The following BRIP1 variants were observed in gnomAD, a reference collection of about 807,000 sequenced individuals.
BRIP1 encodes Fanconi anemia group J protein.
Under a neutral mutation model 119.7 loss-of-function variants are expected in BRIP1, and 88 were observed. The ratio of observed to expected loss-of-function variants is 0.74; its 90% CI spans 0.62 to 0.88. The LOEUF (loss-of-function observed/expected upper bound fraction) is 0.88. BRIP1 is among the 40% of genes least tolerant of loss of function. The pLI is 0.00. For missense variants in BRIP1, 1,259 were observed against 1,455.4 expected, an observed-to-expected ratio of 0.87 and a Z score of 2.20; for synonymous variants, 443 against 496.5, an observed-to-expected ratio of 0.89 and a Z score of 1.43.
At position 61,845,926 on chromosome 17, in the gene BRIP1, T is replaced by C. The variant is rs1038878694; in HGVS notation, c.627+1175A>G. 6.6e-6 allele frequency among the ~76,000 whole-genome samples: 1 copy of C among 152,152 alleles called. No individual in the cohort carries two copies. The highest frequency in any genetic ancestry group is 1.5e-5 in the Non-Finnish European group (1 of 68,030). On this transcript the variant is annotated intron_variant, in intron 6 of 19. Coordinates refer to ENST00000259008, the MANE Select transcript of BRIP1 (RefSeq NM_032043.3). The surrounding 1 kb of genome is among the most constrained non-coding windows in gnomAD (Gnocchi z 4.2). ...ATCTAATGATGCTGGAAAACTATTA[T>C]TAACATAGGTTGGGTTGAGGCCAAG...
rs1357994642 is a variant in BRIP1, at chr17:61,703,761, T to G, written c.2493-10249A>C. Among the ~76,000 whole-genome samples the G allele has an allele frequency of 6.6e-6, 1 of 152,260 alleles. No homozygotes were observed. Among genetic ancestry groups the G allele is most frequent in the African/African-American group, 2.4e-5 (1 of 41,564 alleles). ...CTAGGTTTTCTTCAAGGGTTTTTAG[T>G]TTAAGGTTTTACATTTAAGTCTTTA... On this transcript the variant is annotated intron_variant, in intron 17 of 19. Transcript: ENST00000259008. This position sits in a 1 kb window ranked among gnomAD's most constrained non-coding sequence, Gnocchi z 5.0.
chr17:61,838,477 C>T lies in BRIP1; in HGVS notation c.627+8624G>A, dbSNP rs939544402. ...AGGAGAACGGTGTGAACCCAGGAGG[C>T]GGAACTTGCAGTGAGCCGATCGCGC... On this transcript the variant is annotated intron_variant, in intron 6 of 19. Coordinates refer to ENST00000259008, the MANE Select transcript of BRIP1 (RefSeq NM_032043.3). Among the ~76,000 whole-genome samples, 22 of 151,582 alleles carry T rather than the reference C, an allele frequency of 1.5e-4. No individual in the cohort carries two copies. In the East Asian group the frequency reaches 2.9e-3, roughly 20 times the overall value.
chr17:61,849,072 A>T (rs2145759623), intron 5 of BRIP1, 57 bp downstream of exon 5: 1 of 1,588,244 alleles, frequency 6.3e-7, no homozygotes, highest in South Asian at 1.1e-5. Context: ...ATGATACTTG[A>T]CTACCATGTT....
At chr17:61,773,670 T>G (rs953577138) in intron 14 of BRIP1, among the ~76,000 whole-genome samples, 1 of 151,278 alleles carries the variant, frequency 6.6e-6, no homozygotes, top group African/African-American at 2.4e-5. Flanking sequence ...GGGAGAAAAT[T>G]TTTGCGATCT....
In BRIP1 at chr17:61,696,948, TG is replaced by T. The variant is rs554435580; in HGVS notation, c.2493-3437del. The stretch of plus-strand genomic sequence containing the variant: ...TTGCAGTAAGCTGAGATTGCGCCGC[TG>T]TACTCCAGCCTGGGCAACAGATAGA... On this transcript the variant is annotated intron_variant, in intron 17 of 19. Transcript: ENST00000259008. Among the ~76,000 whole-genome samples the T allele has an allele frequency of 3.6e-3, 482 of 133,562 alleles. 1 individual carries two copies. The highest frequency in any genetic ancestry group is 8.4e-3 in the Middle Eastern group (2 of 238). The allele number at this position is 133,562 out of a possible 152,430, so 87.6% of individuals were successfully genotyped here.
At chr17:61,838,979 T>G (rs2078618926) in intron 6 of BRIP1, among the ~76,000 whole-genome samples, 1 of 151,982 alleles carries the variant, frequency 6.6e-6, no homozygotes. Flanking sequence ...TATCCCAAAA[T>G]CTACAGAAAA....
chr17:61,753,402 T>G lies in BRIP1; in HGVS notation c.2098-8811A>C, dbSNP rs2077158130. 2.0e-5 allele frequency among the ~76,000 whole-genome samples: 3 copies of G among 152,312 alleles called. No homozygotes were observed. In the South Asian group the frequency reaches 6.2e-4, roughly 32 times the overall value. On this transcript the variant is annotated intron_variant, in intron 14 of 19. Transcript: ENST00000259008. The surrounding 1 kb of genome is among the most constrained non-coding windows in gnomAD (Gnocchi z 4.6). Reference sequence around the variant, plus strand: ...AAGGAAAGATTAAAAGTTTGTTGCCTTTAAGATATCCAAATGGAAATGTTG... The same window carrying G: ...AAGGAAAGATTAAAAGTTTGTTGCCGTTAAGATATCCAAATGGAAATGTTG...
Position 61,743,070 on chromosome 17 carries a change from G to A in BRIP1, c.2322C>T (p.Asp774=), listed in dbSNP as rs1057520434. The A allele has an allele frequency of 1.2e-6, 2 of 1,613,888 alleles. No homozygotes were observed. Among genetic ancestry groups the A allele is most frequent in the Admixed American group, 1.7e-5 (1 of 60,012 alleles). ...KVSEGLDFSD[D]NARAVITIGI... is the part of the protein sequence containing the mutation. The stretch of plus-strand genomic sequence containing the variant: ...CTATTGTTATGACAGCACGGGCATT[G>A]TCATCTGAGAAATCCAGACCCTCAC... The change falls in exon 16 of 20, where the codon GAC becomes GAT. Residue 774 remains aspartate, a synonymous_variant. Transcript: ENST00000259008. This position sits in a 1 kb window ranked among gnomAD's most constrained non-coding sequence, Gnocchi z 4.3.
In BRIP1 at chr17:61,814,143, G is replaced by A. The variant is rs1250593126; in HGVS notation, c.628-5386C>T. On this transcript the variant is annotated intron_variant, in intron 6 of 19. Transcript: ENST00000259008. The surrounding 1 kb of genome is among the most constrained non-coding windows in gnomAD (Gnocchi z 4.9). Reference sequence around the variant, plus strand: ...GACAGTAAACATTTCAAGCTTCAAAGGCTATATGGTCTCTTCTTCCATAGG... The same window carrying A: ...GACAGTAAACATTTCAAGCTTCAAAAGCTATATGGTCTCTTCTTCCATAGG... 6.6e-6 allele frequency among the ~76,000 whole-genome samples: 1 copy of A among 152,000 alleles called. No individual in the cohort carries two copies. Among genetic ancestry groups the A allele is most frequent in the Non-Finnish European group, 1.5e-5 (1 of 67,918 alleles).
At position 61,704,557 on chromosome 17, in the gene BRIP1, C is replaced by T. The variant is rs913659014; in HGVS notation, c.2493-11045G>A. Reference sequence around the variant, plus strand: ...AGATCTTGTAAAATTTATGTTATTTCTTCTTTAAATGTTTGGTAATATTTG... The same window carrying T: ...AGATCTTGTAAAATTTATGTTATTTTTTCTTTAAATGTTTGGTAATATTTG... On this transcript the variant is annotated intron_variant, in intron 17 of 19. Transcript: ENST00000259008. The surrounding 1 kb of genome is among the most constrained non-coding windows in gnomAD (Gnocchi z 5.7). 6.6e-6 allele frequency among the ~76,000 whole-genome samples: 1 copy of T among 151,750 alleles called. No homozygotes were observed. Among genetic ancestry groups the T allele is most frequent in the African/African-American group, 2.4e-5 (1 of 41,310 alleles).
At chr17:61,784,205 C>A (rs1225213025) in intron 11 of BRIP1, 65 bp downstream of exon 11, 2 of 1,459,280 alleles carry the variant, frequency 1.4e-6, no homozygotes, top group East Asian at 2.3e-5. Context: ...ATGTATTAAA[C>A]ACATGCTAGC....
Position 61,812,598 on chromosome 17 carries a change from A to G in BRIP1, c.628-3841T>C, listed in dbSNP as rs183929887. Among the ~76,000 whole-genome samples, 522 of 152,090 alleles carry G rather than the reference A, an allele frequency of 3.4e-3. 3 individuals carry two copies. Among genetic ancestry groups the G allele is most frequent in the Middle Eastern group, 0.017 (5 of 294 alleles). On this transcript the variant is annotated intron_variant, in intron 6 of 19. Coordinates refer to ENST00000259008, the MANE Select transcript of BRIP1 (RefSeq NM_032043.3). ...ACCCAAGTAACTGCAAAAATATACT[A>G]TCATTAAAAAAAAAAAACAGGAGAT...
At position 61,704,258 on chromosome 17, in the gene BRIP1, T is replaced by A. The variant is rs1351596741; in HGVS notation, c.2493-10746A>T. 6.6e-6 allele frequency among the ~76,000 whole-genome samples: 1 copy of A among 152,138 alleles called. No homozygotes were observed. Among genetic ancestry groups the A allele is most frequent in the Non-Finnish European group, 1.5e-5 (1 of 68,016 alleles). Reference sequence around the variant, plus strand: ...CCCCCTTTTCCTTTTGTTTTTGTAGTCTTCATCTGGTTTGGTTGCTGGTTA... The same window carrying A: ...CCCCCTTTTCCTTTTGTTTTTGTAGACTTCATCTGGTTTGGTTGCTGGTTA... On this transcript the variant is annotated intron_variant, in intron 17 of 19. Coordinates refer to ENST00000259008, the MANE Select transcript of BRIP1 (RefSeq NM_032043.3). The surrounding 1 kb of genome is among the most constrained non-coding windows in gnomAD (Gnocchi z 5.7).
Position 61,744,690 on chromosome 17 carries a change from C to T in BRIP1, c.2098-99G>A. ...ATGTGACTACGGCAAGTATATTAAT[C>T]TCTCTGTGTCTTTTCTCATTTATAA... is the stretch of plus-strand genomic sequence containing the variant. On this transcript the variant is annotated intron_variant, in intron 14 of 19. Transcript: ENST00000259008. This position sits in a 1 kb window ranked among gnomAD's most constrained non-coding sequence, Gnocchi z 5.0. The T allele has an allele frequency of 9.8e-7, 1 of 1,018,204 alleles. No homozygotes were observed. Among genetic ancestry groups the T allele is most frequent in the South Asian group, 1.3e-5 (1 of 75,566 alleles). 63.1% of individuals were successfully genotyped at this position (1,018,204 alleles called of 1,614,324 possible).
chr17:61,845,313 G>A lies in BRIP1; in HGVS notation c.627+1788C>T, dbSNP rs2078712432. 1.3e-5 allele frequency among the ~76,000 whole-genome samples: 2 copies of A among 152,008 alleles called. No individual in the cohort carries two copies. Among genetic ancestry groups the A allele is most frequent in the South Asian group, 2.1e-4 (1 of 4,830 alleles). ...TGCCTGGGAATGGGGGGACAGGGCA[G>A]AAAAAAGGTCCATCAGTCTATCTTG... On this transcript the variant is annotated intron_variant, in intron 6 of 19. Coordinates refer to ENST00000259008, the MANE Select transcript of BRIP1 (RefSeq NM_032043.3). This position sits in a 1 kb window ranked among gnomAD's most constrained non-coding sequence, Gnocchi z 4.2.
chr17:61,719,680 G>A (rs112039982), intron 16 of BRIP1, among the ~76,000 whole-genome samples: 7 of 150,514 alleles, frequency 4.7e-5, no homozygotes, highest in South Asian at 2.1e-4. Context: ...AGCCAAGATC[G>A]CACCACTGCA....
At chr17:61,765,976 T>G (rs188685626) in intron 14 of BRIP1, among the ~76,000 whole-genome samples, 48 of 152,240 alleles carry the variant, frequency 3.2e-4, no homozygotes, top group African/African-American at 1.1e-3. Context: ...TATATCTATC[T>G]TCCTAACAGT....
In BRIP1 at chr17:61,778,263, T is replaced by C. The variant is rs1215721125; in HGVS notation, c.1936-1701A>G. On this transcript the variant is annotated intron_variant, in intron 13 of 19. Transcript: ENST00000259008. This position sits in a 1 kb window ranked among gnomAD's most constrained non-coding sequence, Gnocchi z 4.4. ...GACAAATATTTTATGATTCCACTTA[T>C]ATGAAGTATTTATAGTAATCAGATT... Among the ~76,000 whole-genome samples the C allele has an allele frequency of 1.3e-5, 2 of 152,172 alleles. No individual in the cohort carries two copies. The highest frequency in any genetic ancestry group is 2.9e-5 in the Non-Finnish European group (2 of 68,032).
rs1415359019 is a variant in BRIP1 at position 61,815,493 on chromosome 17, CA to C, written c.628-6737del. On this transcript the variant is annotated intron_variant, in intron 6 of 19. Transcript: ENST00000259008. The surrounding 1 kb of genome is among the most constrained non-coding windows in gnomAD (Gnocchi z 4.1). ...ATTCTGTAAAGGAATAAACAACAGC[CA>C]AGAGAATTTCATAAAGTTTCCTCCA... Among the ~76,000 whole-genome samples, 1 of 152,012 alleles carries C rather than the reference CA, an allele frequency of 6.6e-6. No homozygotes were observed. Among genetic ancestry groups the C allele is most frequent in the Admixed American group, 6.6e-5 (1 of 15,244 alleles).
Sources: gnomAD v4.1 joint callset for allele counts (sites outside exome capture counted in the v4.1 genomes callset) on GRCh38, gnomAD v4.1.1 for gene constraint, Gnocchi (gnomAD v3.1) non-coding constraint, MANE v1.5 for transcripts, NCBI Gene and HGNC (gene_info 2026-07-23, HGNC 2026-07-21) for gene names.